The following CYP19A1 variants were observed in gnomAD, a reference collection of about 807,000 sequenced individuals.
The protein encoded by CYP19A1 is aromatase.
In CYP19A1, 32 loss-of-function variants were observed where a neutral mutation model predicts 44.4. That is an observed-to-expected ratio of 0.72 (90% CI 0.54 to 0.97). CYP19A1 has a LOEUF of 0.97. CYP19A1 is among the 50% of genes least tolerant of loss of function. CYP19A1 has a pLI of 0.00. For synonymous variants in CYP19A1, 212 were observed against 215.6 expected (o/e 0.98, Z 0.14); for missense variants, 598 against 637.8 (o/e 0.94, Z 0.67).
intron 1 of CYP19A1, among the ~76,000 whole-genome samples, chr15:51,325,173 A>G (rs910394113): frequency 6.6e-6 from 1 of 151,982 alleles, no homozygotes; most frequent in Non-Finnish European, 1.5e-5. Context: ...GAAGCAAGAG[A>G]CCCTATCTCA....
rs758751550 is a variant in CYP19A1, at chr15:51,222,515, G to A, written c.462C>T (p.Gly154=). 1 of 1,613,382 alleles carries A rather than the reference G, an allele frequency of 6.2e-7. No individual in the cohort carries two copies. The highest frequency in any genetic ancestry group is 8.5e-7 in the Non-Finnish European group (1 of 1,179,516). The change falls in exon 5 of 10, where the codon GGC becomes GGT. Residue 154 remains glycine (G), a synonymous_variant. Transcript: ENST00000396402. ...CTGTGACCATACGAACAAGGCCGGGGCCTGACAGAGCTGCAGAGTACACAT... is the reference window on the plus strand; with the variant it reads ...CTGTGACCATACGAACAAGGCCGGGACCTGACAGAGCTGCAGAGTACACAT... The part of the protein sequence containing the change: ...TRPFFMKALS[G]PGLVRMVTVC...
chr15:51,325,709 A>G lies in CYP19A1; in HGVS notation c.-39+12786T>C, dbSNP rs529264761. ...AAAAATTAGCTGGGCGTGGTGGCAC[A>G]TGCCTGTAATCCCAGCTACTTGGGA... On this transcript the variant is annotated intron_variant, in intron 1 of 9. Coordinates refer to ENST00000396402, the MANE Select transcript of CYP19A1 (RefSeq NM_000103.4). 2.0e-5 allele frequency among the ~76,000 whole-genome samples: 3 copies of G among 152,048 alleles called. No individual in the cohort carries two copies. The South Asian group carries it at 6.2e-4, about 32-fold the overall frequency.
At chr15:51,337,464 G>A (rs898595261) in intron 1 of CYP19A1, among the ~76,000 whole-genome samples, 1 of 152,172 alleles carries the variant, frequency 6.6e-6, no homozygotes, top group Admixed American at 6.5e-5. Flanking sequence ...TACAATTACA[G>A]TCTCTTTAAA....
At chr15:51,304,858 G>A (rs1190435320) in intron 1 of CYP19A1, among the ~76,000 whole-genome samples, 3 of 142,474 alleles carry the variant, frequency 2.1e-5, no homozygotes, top group Admixed American at 7.0e-5. Context: ...TAGAACATTT[G>A]CCATTCATCC....
chr15:51,243,861 T>C (rs1333178482), intron 1 of CYP19A1, among the ~76,000 whole-genome samples: 2 of 152,264 alleles, frequency 1.3e-5, no homozygotes, highest in Non-Finnish European at 2.9e-5. Context: ...AGCCAGGTTT[T>C]GTAATCCCTT....
rs1221983496 is a variant in CYP19A1 at position 51,252,489 on chromosome 15, A to T, written c.-38-9539T>A. Reference sequence around the variant, plus strand: ...TTTCTCTTGAAGATTTTTCATTTTAACTAGACCCCAAATTACAGTTGATAA... The same window carrying T: ...TTTCTCTTGAAGATTTTTCATTTTATCTAGACCCCAAATTACAGTTGATAA... On this transcript the variant is annotated intron_variant, in intron 1 of 9. Transcript: ENST00000396402. Among the ~76,000 whole-genome samples the T allele has an allele frequency of 5.3e-5, 8 of 152,330 alleles. No homozygotes were observed. In the East Asian group the frequency reaches 1.4e-3, roughly 26 times the overall value.
chr15:51,334,387 T>A (rs536256604), intron 1 of CYP19A1, among the ~76,000 whole-genome samples: 1 of 152,242 alleles, frequency 6.6e-6, no homozygotes, highest in African/African-American at 2.4e-5. Context: ...ACAGGCTTAT[T>A]ATGGAACTCA....
At chr15:51,249,333 C>T (rs935620255) in intron 1 of CYP19A1, among the ~76,000 whole-genome samples, 1 of 152,184 alleles carries the variant, frequency 6.6e-6, no homozygotes, top group Admixed American at 6.5e-5. Context: ...CTGAGTTCTT[C>T]CTCCTCCATG....
chr15:51,242,735 C>T (rs1265790928), intron 2 of CYP19A1, 33 bp downstream of exon 2: 1 of 1,386,096 alleles, frequency 7.2e-7, no homozygotes. Flanking sequence ...AGTAAATAAT[C>T]TCCTTAGATA....
intron 5 of CYP19A1, among the ~76,000 whole-genome samples, 187 bp from the exon 6 acceptor site, chr15:51,218,842 C>G (rs754595376): frequency 4.5e-4 from 68 of 152,214 alleles, no homozygotes; most frequent in Non-Finnish European, 8.4e-4. Context: ...AAATCAAGCA[C>G]TGATTTGTTC....
At chr15:51,274,187 G>A (rs1394856532) in intron 1 of CYP19A1, among the ~76,000 whole-genome samples, 1 of 152,228 alleles carries the variant, frequency 6.6e-6, no homozygotes, top group African/African-American at 2.4e-5. Flanking sequence ...CACCAGGCAA[G>A]AACTCAAGCA....
chr15:51,315,555 T>C (rs955755024), intron 1 of CYP19A1, among the ~76,000 whole-genome samples: 1 of 152,248 alleles, frequency 6.6e-6, no homozygotes, highest in Non-Finnish European at 1.5e-5. Flanking sequence ...TACCCAGTTA[T>C]ATGGTTCTTG....
At chr15:51,297,306 G>C (rs1473333318) in intron 1 of CYP19A1, among the ~76,000 whole-genome samples, 1 of 152,174 alleles carries the variant, frequency 6.6e-6, no homozygotes, top group South Asian at 2.1e-4. Context: ...ATGCCCCCAT[G>C]CTTAGGTTTA....
At chr15:51,248,343 A>G (rs1409587702) in intron 1 of CYP19A1, among the ~76,000 whole-genome samples, 1 of 152,164 alleles carries the variant, frequency 6.6e-6, no homozygotes, top group Non-Finnish European at 1.5e-5. Flanking sequence ...GGAGCTACAC[A>G]CTGGGAGCTA....
At chr15:51,318,405 T>A (rs1477742645) in intron 1 of CYP19A1, 1 of 152,272 alleles carries the variant, frequency 6.6e-6, no homozygotes, top group East Asian at 1.9e-4. Context: ...AACAGTCTCT[T>A]GTCCCTACTC....
intron 1 of CYP19A1, among the ~76,000 whole-genome samples, chr15:51,269,829 C>T (rs1326523406): frequency 6.6e-6 from 1 of 152,204 alleles, no homozygotes; most frequent in Non-Finnish European, 1.5e-5. Flanking sequence ...TCTCTTCTTT[C>T]ACAGATTCCA....
intron 1 of CYP19A1, among the ~76,000 whole-genome samples, chr15:51,274,567 T>C (rs768862996): frequency 2.0e-5 from 3 of 152,308 alleles, no homozygotes; most frequent in Admixed American, 1.3e-4. Flanking sequence ...AATACCATCA[T>C]ATTTCCCAGT....
intron 1 of CYP19A1, among the ~76,000 whole-genome samples, chr15:51,297,868 A>ACACACACACACACACC (rs1173662173): frequency 4.8e-5 from 7 of 146,796 alleles, no homozygotes; most frequent in South Asian, 4.4e-4. Flanking sequence ...ACACACACAC[A>ACACACACACACACACC]CCCTAGGCCT....
At chr15:51,314,431 C>T (rs1024577512) in intron 1 of CYP19A1, among the ~76,000 whole-genome samples, 3 of 152,124 alleles carry the variant, frequency 2.0e-5, no homozygotes, top group African/African-American at 7.2e-5. Context: ...GAGGTTCCTA[C>T]ATAGGTGGCC....
Sources: gnomAD v4.1 joint callset for allele counts (sites outside exome capture counted in the v4.1 genomes callset) on GRCh38, gnomAD v4.1.1 for gene constraint, MANE v1.5 for transcripts, NCBI Gene and HGNC (gene_info 2026-07-23, HGNC 2026-07-21) for gene names.